Variants in DPP10 observed in about 807,000 individuals in gnomAD.
DPP10 encodes dipeptidyl peptidase like 10, also known as inactive dipeptidyl peptidase 10.
In DPP10, 33 loss-of-function variants were observed where a neutral mutation model predicts 120.9. The observed-to-expected ratio is 0.27, with a 90% CI of 0.21 to 0.37. The LOEUF is 0.37. Ranked by LOEUF, DPP10 falls within the 10% of genes least tolerant of loss-of-function variation. The pLI, the probability that DPP10 is intolerant of heterozygous loss-of-function variation, is 1.00. For synonymous variants in DPP10, 337 were observed against 326.1 expected (o/e 1.03, Z -0.36); for missense variants, 816 against 942.8 (o/e 0.87, Z 1.76).
chr2:114,958,692 T>C (rs1423048822), intron 1 of DPP10, among the ~76,000 whole-genome samples: 1 of 152,200 alleles, frequency 6.6e-6, no homozygotes, highest in Non-Finnish European at 1.5e-5. Context: ...GTTTTGATGG[T>C]ATATTATTGA....
chr2:115,738,282 A>C (rs988077970), intron 8 of DPP10, among the ~76,000 whole-genome samples: 1 of 152,184 alleles, frequency 6.6e-6, no homozygotes, highest in African/African-American at 2.4e-5. Context: ...TTCCAAAGAT[A>C]CCATCGTGAC....
rs563289353 is a variant in DPP10, at chr2:114,907,132, T to G, written c.61-402107T>G. 3.6e-4 allele frequency among the ~76,000 whole-genome samples: 52 copies of G among 144,908 alleles called. No homozygotes were observed. In the East Asian group the frequency reaches 0.01, roughly 29 times the overall value. ...CTTACAGTTTTTTATAGTATTCACTTTCATATTTAAAAAAAAATATTTCTG... is the reference window on the plus strand; with the variant it reads ...CTTACAGTTTTTTATAGTATTCACTGTCATATTTAAAAAAAAATATTTCTG... On this transcript the variant is annotated intron_variant, in intron 1 of 25. Transcript: ENST00000410059.
At chr2:115,242,234 A>G (rs894952931) in intron 1 of DPP10, among the ~76,000 whole-genome samples, 3 of 152,196 alleles carry the variant, frequency 2.0e-5, no homozygotes, top group South Asian at 2.1e-4. Context: ...GTTCTCGCTT[A>G]TGAGTGAGAA....
At chr2:115,647,266 G>A (rs1023632131) in intron 5 of DPP10, among the ~76,000 whole-genome samples, 3 of 152,230 alleles carry the variant, frequency 2.0e-5, no homozygotes, top group South Asian at 2.1e-4. Context: ...CCAGAGAAAT[G>A]CCTTCTGAAT....
intron 7 of DPP10, among the ~76,000 whole-genome samples, chr2:115,714,186 A>G (rs2092416606): frequency 2.0e-5 from 3 of 152,202 alleles, no homozygotes; most frequent in Admixed American, 6.5e-5. Flanking sequence ...TACTGTATTA[A>G]TACCTGTAGG....
At chr2:114,920,382 A>C (rs563537647) in intron 1 of DPP10, among the ~76,000 whole-genome samples, 2 of 152,272 alleles carry the variant, frequency 1.3e-5, no homozygotes, top group East Asian at 3.9e-4. Flanking sequence ...AGGCTGGCAT[A>C]CCTGACAGCA....
At chr2:115,501,311 A>T (rs551174793) in intron 4 of DPP10, among the ~76,000 whole-genome samples, 8 of 152,206 alleles carry the variant, frequency 5.3e-5, no homozygotes, top group Admixed American at 4.6e-4. Context: ...GATACATCAA[A>T]AAAGAAACCA....
At chr2:114,967,428 G>A (rs1699111408) in intron 1 of DPP10, among the ~76,000 whole-genome samples, 1 of 152,150 alleles carries the variant, frequency 6.6e-6, no homozygotes. Flanking sequence ...CTTCTGAGTG[G>A]TCTGGATTCT....
At chr2:115,385,303 C>T (rs1247192269) in intron 3 of DPP10, among the ~76,000 whole-genome samples, 2 of 151,744 alleles carry the variant, frequency 1.3e-5, no homozygotes, top group Admixed American at 6.6e-5. Flanking sequence ...CTTCTTCAGT[C>T]GATCACCGTT....
chr2:114,705,130 G>A (rs988268149), intron 1 of DPP10, among the ~76,000 whole-genome samples: 5 of 152,132 alleles, frequency 3.3e-5, no homozygotes, highest in African/African-American at 1.2e-4. Context: ...AAGGGGCCAT[G>A]GTCAAATAGT....
At chr2:115,149,439 C>T (rs2051410390) in intron 1 of DPP10, among the ~76,000 whole-genome samples, 1 of 152,316 alleles carries the variant, frequency 6.6e-6, no homozygotes, top group East Asian at 1.9e-4. Context: ...GGTTCCCTAT[C>T]ATCCTCATCA....
intron 3 of DPP10, among the ~76,000 whole-genome samples, chr2:115,452,668 C>CT (rs1396528837): frequency 6.6e-6 from 1 of 151,876 alleles, no homozygotes; most frequent in Non-Finnish European, 1.5e-5. Context: ...TGTCTTCCTT[C>CT]TTTTTTTAAC....
intron 1 of DPP10, among the ~76,000 whole-genome samples, chr2:114,862,737 T>C (rs1161675788): frequency 6.6e-6 from 1 of 152,146 alleles, no homozygotes; most frequent in Non-Finnish European, 1.5e-5. Flanking sequence ...CTGAAGATTA[T>C]TTAAATAGAA....
chr2:114,794,070 C>CT (rs147276501), intron 1 of DPP10, among the ~76,000 whole-genome samples: 5,290 of 152,066 alleles, frequency 0.035, 129 homozygotes, highest in Non-Finnish European at 0.053. Flanking sequence ...TTGAGCATGA[C>CT]TTTTTTTTAC....
chr2:115,327,381 A>G (rs1436850169), intron 2 of DPP10, among the ~76,000 whole-genome samples: 1 of 152,174 alleles, frequency 6.6e-6, no homozygotes. Context: ...AATTTCACTA[A>G]TGATTTCACT....
In DPP10 at chr2:115,727,855, A is replaced by G; in HGVS notation, c.616A>G (p.Ile206Val). The G allele has an allele frequency of 1.2e-6, 2 of 1,605,056 alleles. No homozygotes were observed. The highest frequency in any genetic ancestry group is 1.7e-6 in the Non-Finnish European group (2 of 1,176,778). ...AAATAATATCTACTATCAACCTGATATAAAGAGCAGTTCATTGCGACTGAC... is the reference window on the plus strand; with the variant it reads ...AAATAATATCTACTATCAACCTGATGTAAAGAGCAGTTCATTGCGACTGAC... ...FENNIYYQPD[I>V]KSSSLRLTSS... is the part of the protein sequence containing the mutation. Residue 206 changes from isoleucine to valine, a missense_variant, in exon 8 of 26, where the codon ATA becomes GTA. Transcript: ENST00000410059.
At chr2:115,021,618 T>G (rs1703078281) in intron 1 of DPP10, among the ~76,000 whole-genome samples, 1 of 152,132 alleles carries the variant, frequency 6.6e-6, no homozygotes, top group South Asian at 2.1e-4. Context: ...ATGACACTAT[T>G]CCAAAAGATA....
intron 3 of DPP10, among the ~76,000 whole-genome samples, chr2:115,484,266 C>A (rs1401996247): frequency 2.0e-5 from 3 of 147,480 alleles, no homozygotes; most frequent in African/African-American, 7.5e-5. Context: ...TTTTTTTTTA[C>A]AAATAATACC....
chr2:115,445,934 C>T (rs1395754212), intron 3 of DPP10, among the ~76,000 whole-genome samples: 1 of 152,152 alleles, frequency 6.6e-6, no homozygotes, highest in Non-Finnish European at 1.5e-5. Context: ...GCTCTGTGCA[C>T]CACTGGGACT....
Sources: gnomAD v4.1 joint callset for allele counts (sites outside exome capture counted in the v4.1 genomes callset) on GRCh38, gnomAD v4.1.1 for gene constraint, MANE v1.5 for transcripts, NCBI Gene and HGNC (gene_info 2026-07-23, HGNC 2026-07-21) for gene names.